TNRC18: variants seen among roughly 807,000 people sequenced by gnomAD.
TNRC18 encodes the protein trinucleotide repeat containing 18.
Under a neutral mutation model 226.7 loss-of-function variants are expected in TNRC18, and 69 were observed. The ratio of observed to expected loss-of-function variants is 0.30; its 90% confidence interval spans 0.25 to 0.37. The LOEUF is 0.37. TNRC18 is among the 10% of genes least tolerant of loss of function. The pLI is 1.00. For synonymous variants in TNRC18, 2,449 were observed against 1,927.6 expected, an observed-to-expected ratio of 1.27 and a Z score of -7.09; for missense variants, 4,754 against 4,256.6, an observed-to-expected ratio of 1.12 and a Z score of -3.25.
rs760727501 is a variant in TNRC18 at position 5,324,607 on chromosome 7, C to G, written c.6301-252G>C. Among the ~76,000 whole-genome samples the G allele has an allele frequency of 3.3e-5, 5 of 152,264 alleles. No individual in the cohort carries two copies. The highest frequency in any genetic ancestry group is 5.9e-5 in the Non-Finnish European group (4 of 68,046). On this transcript the variant is annotated intron_variant, in intron 20 of 29. Transcript: ENST00000430969. The surrounding 1 kb of genome is among the most constrained non-coding windows in gnomAD (Gnocchi z 4.8). ...CTGTGCTCAGTATCAGCACTCAGCA[C>G]TCAGTACTCACTACCATACCTCAGT...
In TNRC18 at chr7:5,333,058, G is replaced by A. The variant is rs779844370; in HGVS notation, c.5720-9C>T. ...GTACTCGAACTCTGTGCCTGAACGC[G>A]GGAGGAGGGCGTGCTGGTCACAGCC... On this transcript the variant is annotated splice_polypyrimidine_tract_variant and intron_variant, in intron 18 of 29. Coordinates refer to ENST00000430969, the MANE Select transcript of TNRC18 (RefSeq NM_001080495.3). 27 of 1,567,090 alleles carry A rather than the reference G, an allele frequency of 1.7e-5. No individual in the cohort carries two copies. The highest frequency in any genetic ancestry group is 7.2e-5 in the Admixed American group (4 of 55,746).
chr7:5,307,639 G>C lies in TNRC18; in HGVS notation c.*467C>G, dbSNP rs747532933. ...CATCGGGCTGCCCTGTCCCATGCAC[G>C]GTGGGAGGCCTTGGGGTGGGCTCCA... On this transcript the variant is annotated 3_prime_UTR_variant, in exon 30 of 30. Transcript: ENST00000430969. The C allele has an allele frequency of 2.5e-6, 1 of 402,778 alleles. No homozygotes were observed. The highest frequency in any genetic ancestry group is 5.0e-6 in the Non-Finnish European group (1 of 198,322). 25.0% of individuals were successfully genotyped at this position (402,778 alleles called of 1,614,324 possible).
chr7:5,419,545 C>A (rs890016377), intron 2 of TNRC18, among the ~76,000 whole-genome samples: 1 of 151,802 alleles, frequency 6.6e-6, no homozygotes, highest in African/African-American at 2.4e-5. Context: ...CCAGGGCCGC[C>A]CCCCAAGTTC....
intron 5 of TNRC18, among the ~76,000 whole-genome samples, chr7:5,381,231 C>T (rs1310041092): frequency 1.3e-5 from 2 of 152,212 alleles, no homozygotes; most frequent in African/African-American, 2.4e-5. Flanking sequence ...CCCACCCCTG[C>T]GCTTGGCCGG....
chr7:5,313,268 G>A lies in TNRC18; in HGVS notation c.7623C>T (p.Pro2541=), dbSNP rs1436958217. 7 of 1,548,698 alleles carry A rather than the reference G, an allele frequency of 4.5e-6. 1 individual carries two copies. The South Asian group carries it at 7.1e-5, about 16-fold the overall frequency. Residue 2541 remains proline (P), a synonymous_variant, in exon 27 of 30, where the codon CCC becomes CCT. Coordinates refer to ENST00000430969, the MANE Select transcript of TNRC18 (RefSeq NM_001080495.3). ...CAGCCTGGGCCTTGTCTGGGCTCTT[G>A]GGGTTCCCAGAGTCCTCGAACGTGA... is the stretch of plus-strand genomic sequence containing the variant. ...PGLTFEDSGN[P]KSPDKAQAEQ...
intron 18 of TNRC18, among the ~76,000 whole-genome samples, chr7:5,333,382 C>A (rs1482325484): frequency 6.6e-6 from 1 of 152,234 alleles, no homozygotes; most frequent in African/African-American, 2.4e-5. Flanking sequence ...ACGGGCCCCA[C>A]ACCTGCAGGG....
intron 3 of TNRC18, among the ~76,000 whole-genome samples, chr7:5,391,508 A>C (rs1780297209): frequency 1.3e-5 from 2 of 151,660 alleles, no homozygotes; most frequent in African/African-American, 2.4e-5. Flanking sequence ...ATGGGGTTTC[A>C]CCATGCTGAT....
At chr7:5,348,902 C>G (rs1165170450) in intron 17 of TNRC18, among the ~76,000 whole-genome samples, 1 of 138,364 alleles carries the variant, frequency 7.2e-6, no homozygotes, top group Non-Finnish European at 1.6e-5. Flanking sequence ...TCAACAGCGC[C>G]TGGGTCCCCC....
chr7:5,422,896 T>C (rs1782664874), intron 1 of TNRC18: 1 of 152,210 alleles, frequency 6.6e-6, no homozygotes, highest in Admixed American at 6.5e-5. Context: ...TTTTTTTTTG[T>C]AAGAGATTCT....
Position 5,390,490 on chromosome 7 carries a change from C to T in TNRC18, c.482G>A (p.Gly161Glu), listed in dbSNP as rs754543471. 46 of 1,613,604 alleles carry T rather than the reference C, an allele frequency of 2.9e-5. No homozygotes were observed. The highest frequency in any genetic ancestry group is 3.6e-5 in the Non-Finnish European group (43 of 1,179,846). Residue 161 changes from glycine to glutamate, a missense_variant, in exon 4 of 30, where the codon GGA becomes GAA. Gly to Glu is a moderately conservative substitution (Grantham distance 98). Coordinates refer to ENST00000430969, the MANE Select transcript of TNRC18 (RefSeq NM_001080495.3). ...ACCCCGGACTCCAGTCTTACCTCCT[C>T]CTGGCCCCTGACCTTTCTGGGTATC... ...IFDTQKGQGPGGDGFYLPTAG... is the reference protein window; with the variant it reads ...IFDTQKGQGPEGDGFYLPTAG...
chr7:5,357,023 T>C lies in TNRC18; in HGVS notation c.5087A>G (p.His1696Arg), dbSNP rs1002489317. 3 of 1,552,186 alleles carry C rather than the reference T, an allele frequency of 1.9e-6. No homozygotes were observed. The African/African-American group carries it at 4.1e-5, about 21-fold the overall frequency. ...CTTCCTGGTTTTGGCTGCCCTTTTG[T>C]GTTTACCTTCTCTGGAGGATTTCAG... Reference protein sequence around the residue: ...LSLKSSREGKHKRAAKTRKME... With the variant: ...LSLKSSREGKRKRAAKTRKME... Residue 1696 changes from histidine to arginine, a missense_variant, in exon 16 of 30, where the codon CAC becomes CGC. Transcript: ENST00000430969.
intron 14 of TNRC18, among the ~76,000 whole-genome samples, chr7:5,360,281 G>A (rs1234219082): frequency 2.6e-5 from 4 of 151,932 alleles, no homozygotes; most frequent in Admixed American, 2.6e-4. Flanking sequence ...CCAGGATGCA[G>A]TGCAATGGCT....
At chr7:5,368,417 C>T (rs1005421842) in intron 11 of TNRC18, among the ~76,000 whole-genome samples, 4 of 151,666 alleles carry the variant, frequency 2.6e-5, no homozygotes, top group African/African-American at 7.3e-5. Context: ...AATCCCAGCA[C>T]TTTGGGTGGC....
In TNRC18 at chr7:5,389,091, C is replaced by A. The variant is rs750549833; in HGVS notation, c.733G>T (p.Ala245Ser). 1 of 1,294,318 alleles carries A rather than the reference C, an allele frequency of 7.7e-7. No individual in the cohort carries two copies. Among genetic ancestry groups the A allele is most frequent in the Non-Finnish European group, 9.8e-7 (1 of 1,016,348 alleles). 80.2% of individuals were successfully genotyped at this position (1,294,318 alleles called of 1,614,324 possible). Reference sequence around the variant, plus strand: ...CGGTCCTGGCGGCCCTCGGCGCGCGCCTCCTGGGTCAGGTCCACCACGCCC... The same window carrying A: ...CGGTCCTGGCGGCCCTCGGCGCGCGACTCCTGGGTCAGGTCCACCACGCCC... ...PRGVVDLTQEARAEGRQDRGP... is the reference protein window; with the variant it reads ...PRGVVDLTQESRAEGRQDRGP... Residue 245 changes from alanine to serine, a missense_variant, in exon 5 of 30, where the codon GCG becomes TCG. By Grantham distance (99) the Ala-to-Ser change is moderately conservative. Transcript: ENST00000430969.
intron 5 of TNRC18, among the ~76,000 whole-genome samples, chr7:5,381,715 C>T (rs965234593): frequency 2.0e-4 from 31 of 152,170 alleles, no homozygotes; most frequent in African/African-American, 7.2e-4. Flanking sequence ...CCTGTAATCC[C>T]AGCACTTTGG....
At chr7:5,316,759 A>C (rs1239756956) in intron 24 of TNRC18, among the ~76,000 whole-genome samples, 3 of 152,136 alleles carry the variant, frequency 2.0e-5, no homozygotes, top group Non-Finnish European at 4.4e-5. Flanking sequence ...GCATTTCCGG[A>C]GAGATGCCGG....
chr7:5,419,004 C>A (rs1027715302), intron 2 of TNRC18, among the ~76,000 whole-genome samples: 1 of 152,196 alleles, frequency 6.6e-6, no homozygotes, highest in Non-Finnish European at 1.5e-5. Context: ...TTCAAGGGGG[C>A]GGCAGCTGTC....
Position 5,307,876 on chromosome 7 carries a change from C to G in TNRC18, c.*230G>C. ...CTGATAGCTAAGAGGGGCCCCTGTC[C>G]TGGGGGCACTGAGGGGTTGGAAGGT... On this transcript the variant is annotated 3_prime_UTR_variant, in exon 30 of 30. Coordinates refer to ENST00000430969, the MANE Select transcript of TNRC18 (RefSeq NM_001080495.3). 1 of 575,072 alleles carries G rather than the reference C, an allele frequency of 1.7e-6. No individual in the cohort carries two copies. The highest frequency in any genetic ancestry group is 3.1e-6 in the Non-Finnish European group (1 of 320,406). The allele number at this position is 575,072 out of a possible 1,614,324, so 35.6% of individuals were successfully genotyped here.
intron 1 of TNRC18, among the ~76,000 whole-genome samples, chr7:5,421,724 G>A (rs891594215): frequency 6.6e-5 from 10 of 152,214 alleles, no homozygotes; most frequent in Non-Finnish European, 1.2e-4. Context: ...GTGACCGGCG[G>A]CGGTGGCGCG....
Sources: allele counts gnomAD v4.1 joint callset (sites outside exome capture counted in the v4.1 genomes callset), GRCh38; gene constraint gnomAD v4.1.1; non-coding constraint Gnocchi (gnomAD v3.1); transcripts MANE v1.5; gene names NCBI Gene and HGNC (gene_info 2026-07-23, HGNC 2026-07-21).